Variants in TMEM163 observed in about 807,000 individuals in gnomAD.
TMEM163 encodes the protein transmembrane protein 163.
TMEM163 carries 17 observed loss-of-function variants against 29.3 expected under a neutral mutation model. The ratio of observed to expected loss-of-function variants is 0.58; its 90% CI spans 0.40 to 0.87. TMEM163 has a LOEUF of 0.87. Among genes scored for constraint, TMEM163 ranks in the 40% least tolerant of loss-of-function variants. The pLI, the probability that TMEM163 is intolerant of heterozygous loss-of-function variation, is 0.00. For synonymous variants in TMEM163, 157 were observed against 160.6 expected (o/e 0.98, Z 0.17); for missense variants, 303 against 381.5 (o/e 0.79, Z 1.71).
chr2:134,618,717 C>T (rs1034566896), intron 2 of TMEM163, among the ~76,000 whole-genome samples: 25 of 151,914 alleles, frequency 1.6e-4, no homozygotes, highest in African/African-American at 6.1e-4. Flanking sequence ...CAGAAAGACA[C>T]TTGGGAAATC....
chr2:134,650,015 AAAAAAAAAAAG>A (rs914730011), intron 2 of TMEM163, among the ~76,000 whole-genome samples: 31 of 150,502 alleles, frequency 2.1e-4, no homozygotes, highest in Non-Finnish European at 4.0e-4. Flanking sequence ...AAAAAAAAAA[AAAAAAAAAAAG>A]AATGATGTAG....
chr2:134,551,994 G>C, intron 3 of TMEM163, 54 bp downstream of exon 3: 1 of 1,512,870 alleles, frequency 6.6e-7, no homozygotes, highest in Non-Finnish European at 9.2e-7. Context: ...TGAGGTTTAT[G>C]GGCTTATGAA....
intron 2 of TMEM163, among the ~76,000 whole-genome samples, chr2:134,707,518 G>A (rs138494278): frequency 2.0e-3 from 301 of 152,216 alleles, no homozygotes; most frequent in African/African-American, 6.7e-3. Flanking sequence ...AGCAAACTAC[G>A]CAAAGGATCA....
intron 2 of TMEM163, among the ~76,000 whole-genome samples, chr2:134,574,137 G>A (rs1020263097): frequency 2.6e-5 from 4 of 152,190 alleles, no homozygotes; most frequent in African/African-American, 7.2e-5. Context: ...ACCAAACACC[G>A]TAGCAGCACA....
intron 4 of TMEM163, among the ~76,000 whole-genome samples, chr2:134,538,815 G>A (rs998660992): frequency 1.5e-4 from 23 of 152,178 alleles, no homozygotes; most frequent in African/African-American, 5.6e-4. Flanking sequence ...GGCTGCGTGG[G>A]GCTGGGCATG....
At chr2:134,542,066 TA>T (rs1399946061) in intron 4 of TMEM163, among the ~76,000 whole-genome samples, 1 of 152,258 alleles carries the variant, frequency 6.6e-6, no homozygotes, top group Non-Finnish European at 1.5e-5. Flanking sequence ...AGCAACTTTC[TA>T]AATATGCTGA....
At chr2:134,512,572 T>C (rs1679974573) in intron 4 of TMEM163, among the ~76,000 whole-genome samples, 1 of 152,150 alleles carries the variant, frequency 6.6e-6, no homozygotes, top group African/African-American at 2.4e-5. Context: ...GGAAGGCAAG[T>C]CCAAAGGCAC....
intron 2 of TMEM163, among the ~76,000 whole-genome samples, chr2:134,628,440 C>G (rs528911819): frequency 6.6e-6 from 1 of 152,222 alleles, no homozygotes; most frequent in Admixed American, 6.5e-5. Context: ...TATGCCTGGG[C>G]CCATGGGCCA....
intron 2 of TMEM163, among the ~76,000 whole-genome samples, chr2:134,699,977 T>G (rs918024017): frequency 2.0e-5 from 3 of 152,212 alleles, no homozygotes; most frequent in Non-Finnish European, 4.4e-5. Flanking sequence ...ATCCCTACAT[T>G]TAAGGAATTC....
At chr2:134,479,265 T>C (rs1021686170) in intron 5 of TMEM163, among the ~76,000 whole-genome samples, 3 of 152,130 alleles carry the variant, frequency 2.0e-5, no homozygotes, top group Admixed American at 6.5e-5. Flanking sequence ...AGTTCACCCT[T>C]CTCCCAACAT....
At chr2:134,475,520 T>C (rs2106477680) in intron 5 of TMEM163, among the ~76,000 whole-genome samples, 1 of 152,268 alleles carries the variant, frequency 6.6e-6, no homozygotes, top group South Asian at 2.1e-4. Flanking sequence ...TTAAAACTTT[T>C]GCTCCTTGAA....
chr2:134,698,016 AC>A (rs1262802332), intron 2 of TMEM163, among the ~76,000 whole-genome samples: 1 of 152,142 alleles, frequency 6.6e-6, no homozygotes, highest in African/African-American at 2.4e-5. Context: ...TCATAAAAGC[AC>A]TCATAAAGCC....
intron 4 of TMEM163, among the ~76,000 whole-genome samples, chr2:134,520,975 G>A (rs534117179): frequency 2.0e-5 from 3 of 149,698 alleles, no homozygotes; most frequent in South Asian, 4.2e-4. Flanking sequence ...CTCTCCAGGT[G>A]TTCCTTATGA....
chr2:134,620,099 A>C (rs1307137436), intron 2 of TMEM163, among the ~76,000 whole-genome samples: 7 of 152,220 alleles, frequency 4.6e-5, no homozygotes, highest in African/African-American at 1.4e-4. Flanking sequence ...GATGTAATAC[A>C]TACACTATTA....
At chr2:134,463,654 G>A (rs1346330471) in intron 6 of TMEM163, among the ~76,000 whole-genome samples, 1 of 152,232 alleles carries the variant, frequency 6.6e-6, no homozygotes, top group African/African-American at 2.4e-5. Flanking sequence ...GTGCTAGAAA[G>A]ACCTGTGTAT....
intron 4 of TMEM163, among the ~76,000 whole-genome samples, chr2:134,510,536 C>T (rs192474229): frequency 2.3e-3 from 344 of 152,158 alleles, no homozygotes; most frequent in African/African-American, 7.6e-3. Flanking sequence ...ACTCTACGCA[C>T]GGGCCATGAC....
intron 2 of TMEM163, among the ~76,000 whole-genome samples, chr2:134,617,120 G>C (rs1240882181): frequency 1.3e-5 from 2 of 151,820 alleles, no homozygotes; most frequent in East Asian, 3.9e-4. Flanking sequence ...CAATATTTTG[G>C]GGTTTGTAAC....
In TMEM163 at chr2:134,587,254, T is replaced by C. The variant is rs34282338; in HGVS notation, c.323-35163A>G. 4.8e-3 allele frequency among the ~76,000 whole-genome samples: 724 copies of C among 152,106 alleles called. 8 individuals are homozygous for C. The highest frequency in any genetic ancestry group is 4.8e-3 in the South Asian group (23 of 4,820). ...GGTGAGGCCCCGCTTCTACTAAAAA[T>C]ACAAAAAATTAGCTAGGTATGGTGG... On this transcript the variant is annotated intron_variant, in intron 2 of 7. Transcript: ENST00000281924.
chr2:134,640,537 A>G (rs1033440498), intron 2 of TMEM163, among the ~76,000 whole-genome samples: 1 of 152,308 alleles, frequency 6.6e-6, no homozygotes, highest in Non-Finnish European at 1.5e-5. Flanking sequence ...TCACTGCAGT[A>G]TCTCTAGATC....
Sources: gnomAD v4.1 joint callset for allele counts (sites outside exome capture counted in the v4.1 genomes callset) on GRCh38, gnomAD v4.1.1 for gene constraint, MANE v1.5 for transcripts, NCBI Gene and HGNC (gene_info 2026-07-23, HGNC 2026-07-21) for gene names.